API5: variants seen among roughly 807,000 people sequenced by gnomAD.
The protein encoded by API5 is apoptosis inhibitor 5.
Under a neutral mutation model 71.9 loss-of-function variants are expected in API5, and 6 were observed. The ratio of observed to expected loss-of-function variants is 0.08; its 90% confidence interval spans 0.05 to 0.16. The LOEUF is 0.16. Among genes scored for constraint, API5 ranks in the 10% least tolerant of loss-of-function variants. The pLI is 1.00. For synonymous variants in API5, 189 were observed against 221.3 expected, an observed-to-expected ratio of 0.85 and a Z score of 1.30; for missense variants, 332 against 612.8, an observed-to-expected ratio of 0.54 and a Z score of 4.84.
chr11:43,314,100 T>TA lies in API5; in HGVS notation c.69+1917dup, dbSNP rs546774601. ...CAAGACTCCATCTCAAACAAAAAAT[T>TA]AAAAAAAAAAAAAGATACAAACTAT... On this transcript the variant is annotated intron_variant, in intron 1 of 13. Transcript: ENST00000531273. 1.5e-3 allele frequency among the ~76,000 whole-genome samples: 206 copies of TA among 141,588 alleles called. 1 individual carries two copies. The highest frequency in any genetic ancestry group is 0.011 in the East Asian group (53 of 4,932). 92.9% of individuals were successfully genotyped at this position (141,588 alleles called of 152,430 possible). A position where few individuals can be genotyped will look rare whatever the true frequency, so the allele number is the denominator to read the frequency against.
intron 1 of API5, among the ~76,000 whole-genome samples, chr11:43,315,184 C>T (rs541473241): frequency 7.2e-5 from 11 of 152,286 alleles, no homozygotes; most frequent in Admixed American, 6.5e-4. Flanking sequence ...GTCAATACTC[C>T]TTTCAGAGTA....
At chr11:43,312,585 A>C (rs1345453045) in intron 1 of API5, among the ~76,000 whole-genome samples, 1 of 151,888 alleles carries the variant, frequency 6.6e-6, no homozygotes, top group African/African-American at 2.4e-5. Flanking sequence ...TGAGGTCAAG[A>C]TGTGTTTTTT....
rs1164402563 is a variant in API5 at position 43,323,576 on chromosome 11, G to A, written c.690G>A (p.Ser230=). The change falls in exon 6 of 14, where the codon TCG becomes TCA. Residue 230 remains serine (S), a synonymous_variant. Coordinates refer to ENST00000531273, the MANE Select transcript of API5 (RefSeq NM_001142930.2). ...QADLEQTFNP[S]DPDCVDRLLQ... ...ACCTAGAACAGACCTTCAATCCCTC[G>A]GATCCTGACTGTGTGGACAGGCTCT... 26 of 1,614,054 alleles carry A rather than the reference G, an allele frequency of 1.6e-5. No homozygotes were observed. Among genetic ancestry groups the A allele is most frequent in the Middle Eastern group, 1.7e-4 (1 of 6,058 alleles).
chr11:43,340,094 A>G (rs1183009529), intron 13 of API5: 1 of 189,380 alleles, frequency 5.3e-6, no homozygotes, highest in African/African-American at 2.4e-5. Context: ...TAGAAAAGTT[A>G]GAAGATACAA....
rs541112138 is a variant in API5 at position 43,323,473 on chromosome 11, A to G, written c.587A>G (p.Lys196Arg). The G allele has an allele frequency of 1.4e-5, 22 of 1,614,018 alleles. No homozygotes were observed. The highest frequency in any genetic ancestry group is 1.8e-5 in the Non-Finnish European group (21 of 1,180,012). Residue 196 changes from lysine to arginine, a missense_variant, in exon 6 of 14, where the codon AAG becomes AGG. Lys to Arg is a conservative substitution (Grantham distance 26). Coordinates refer to ENST00000531273, the MANE Select transcript of API5 (RefSeq NM_001142930.2). Reference protein sequence around the residue: ...VTGEEFVLFMKILSGLKSLQT... With the variant: ...VTGEEFVLFMRILSGLKSLQT... ...GGTGAAGAATTTGTTCTATTTATGA[A>G]GATACTGTCTGGGTTAAAAAGCTTA...
At chr11:43,312,636 T>C (rs1193079550) in intron 1 of API5, among the ~76,000 whole-genome samples, 2 of 151,622 alleles carry the variant, frequency 1.3e-5, no homozygotes, top group African/African-American at 4.8e-5. Flanking sequence ...TGAAGAAGAG[T>C]GTTTAGGAGA....
chr11:43,325,600 CA>C (rs1351563424), intron 6 of API5, among the ~76,000 whole-genome samples: 1 of 152,138 alleles, frequency 6.6e-6, no homozygotes, highest in African/African-American at 2.4e-5. Context: ...TGATGAGTGT[CA>C]AAACCATTGC....
intron 13 of API5, among the ~76,000 whole-genome samples, chr11:43,338,376 T>G (rs1855502947): frequency 1.3e-5 from 2 of 152,176 alleles, no homozygotes; most frequent in African/African-American, 4.8e-5. Context: ...TATACCCACG[T>G]TTAGTTTTCC....
chr11:43,341,232 G>C (rs145389743), intron 13 of API5, among the ~76,000 whole-genome samples: 2 of 152,108 alleles, frequency 1.3e-5, no homozygotes, highest in African/African-American at 2.4e-5. Flanking sequence ...TGGAAGTTCA[G>C]GGAAGAGATT....
intron 13 of API5, among the ~76,000 whole-genome samples, chr11:43,338,648 TAA>T (rs35510804): frequency 0.011 from 1,030 of 96,950 alleles, 13 homozygotes; most frequent in African/African-American, 0.032. Flanking sequence ...CAATTGGAGG[TAA>T]AAAAAAAAAA....
chr11:43,337,003 G>A (rs1324863068), intron 13 of API5, among the ~76,000 whole-genome samples: 4 of 105,886 alleles, frequency 3.8e-5, no homozygotes, highest in African/African-American at 1.1e-4. Context: ...GCAAGACTCC[G>A]TCTCAAAAAA....
At chr11:43,320,110 A>G (rs907037446) in intron 2 of API5, among the ~76,000 whole-genome samples, 3 of 147,558 alleles carry the variant, frequency 2.0e-5, no homozygotes, top group African/African-American at 5.0e-5. Context: ...CGGTGGTGCA[A>G]TCTTGGCTCA....
chr11:43,331,686 C>G (rs1037741960), intron 11 of API5, among the ~76,000 whole-genome samples: 3 of 151,908 alleles, frequency 2.0e-5, no homozygotes, highest in African/African-American at 2.4e-5. Flanking sequence ...ATAAGTGAGA[C>G]CATGTAGTCC....
At chr11:43,316,542 C>CT (rs759261814) in intron 1 of API5, among the ~76,000 whole-genome samples, 3 of 152,080 alleles carry the variant, frequency 2.0e-5, no homozygotes, top group Non-Finnish European at 4.4e-5. Flanking sequence ...GCCTAGAAGT[C>CT]TGAGGCAAAC....
chr11:43,342,487 C>G lies in API5; in HGVS notation c.1552C>G (p.Arg518Gly). The G allele has an allele frequency of 6.2e-7, 1 of 1,612,692 alleles. No individual in the cohort carries two copies. Among genetic ancestry groups the G allele is most frequent in the Non-Finnish European group, 8.5e-7 (1 of 1,179,218 alleles). ...GGRGWGTRGNRSRGRLY is the reference protein window; with the variant it reads ...GGRGWGTRGNGSRGRLY ...CCGAGGTTGGGGCACACGAGGAAATCGTAGTCGGGGAAGACTCTACTGAAT... is the reference window on the plus strand; with the variant it reads ...CCGAGGTTGGGGCACACGAGGAAATGGTAGTCGGGGAAGACTCTACTGAAT... The change falls in exon 14 of 14, where the codon CGT (arginine) becomes GGT (glycine). Residue 518 changes from arginine to glycine, a missense_variant. Coordinates refer to ENST00000531273, the MANE Select transcript of API5 (RefSeq NM_001142930.2).
At chr11:43,318,155 G>A (rs936320713) in intron 1 of API5, among the ~76,000 whole-genome samples, 14 of 152,068 alleles carry the variant, frequency 9.2e-5, no homozygotes, top group Non-Finnish European at 1.3e-4. Context: ...GATTACAGGC[G>A]CACACCACCA....
chr11:43,312,257 T>G (rs1854499198), intron 1 of API5, 61 bp downstream of exon 1: 1 of 1,549,144 alleles, frequency 6.5e-7, no homozygotes. Flanking sequence ...CGAAAGCGCT[T>G]CCCGCCGCAC....
At chr11:43,341,505 A>G (rs1855612482) in intron 13 of API5, among the ~76,000 whole-genome samples, 1 of 152,158 alleles carries the variant, frequency 6.6e-6, no homozygotes, top group East Asian at 1.9e-4. Flanking sequence ...TAAACAATGC[A>G]TGTTCTCACT....
chr11:43,314,279 G>T (rs1017597533), intron 1 of API5, among the ~76,000 whole-genome samples: 1 of 152,134 alleles, frequency 6.6e-6, no homozygotes, highest in East Asian at 1.9e-4. Flanking sequence ...GGGGGATAGG[G>T]TGAAAGCTAC....
Sources: gnomAD v4.1 joint callset for allele counts (sites outside exome capture counted in the v4.1 genomes callset) on GRCh38, gnomAD v4.1.1 for gene constraint, MANE v1.5 for transcripts, NCBI Gene and HGNC (gene_info 2026-07-23, HGNC 2026-07-21) for gene names.